TSNARE1: variants seen among roughly 807,000 people sequenced by gnomAD.
The protein encoded by TSNARE1 is t-SNARE domain containing 1.
TSNARE1 carries 49 observed loss-of-function variants against 62.0 expected under a neutral mutation model. That is an observed-to-expected ratio of 0.79 (90% CI 0.63 to 1.00). The LOEUF (loss-of-function observed/expected upper bound fraction) is 1.00, where lower values mean the gene tolerates loss of function less well. Ranked by LOEUF, TSNARE1 falls within the 50% of genes least tolerant of loss-of-function variation. The pLI is 0.00. For synonymous variants in TSNARE1, 328 were observed against 294.4 expected (o/e 1.11, Z -1.17); for missense variants, 755 against 700.1 (o/e 1.08, Z -0.88).
chr8:142,366,016 C>A, intron 1 of TSNARE1: 1 of 391,228 alleles, frequency 2.6e-6, no homozygotes, highest in East Asian at 8.2e-5. Context: ...TGTCCCAGGA[C>A]ACTGAAAATG....
In TSNARE1 at chr8:142,344,011, A is replaced by T; in HGVS notation, c.700T>A (p.Cys234Ser). 1 of 1,556,214 alleles carries T rather than the reference A, an allele frequency of 6.4e-7. No individual in the cohort carries two copies. Among genetic ancestry groups the T allele is most frequent in the Non-Finnish European group, 8.7e-7 (1 of 1,149,596 alleles). ...AAGCCCTCGGAGGGCAGGGCCTGGC[A>T]AGAGAAGGTCTTGGCCACCACCTGC... is the stretch of plus-strand genomic sequence containing the variant. ...VEQVVAKTFS[C>S]QALPSEGFSL... is the part of the protein sequence containing the mutation. The change falls in exon 4 of 14, where the codon TGC (cysteine) becomes AGC (serine). Residue 234 changes from cysteine (C) to serine (S), a missense_variant. Physicochemically the swap from Cys to Ser is moderately radical, Grantham distance 112. Coordinates refer to ENST00000524325, the MANE Select transcript of TSNARE1 (RefSeq NM_145003.5).
intron 6 of TSNARE1, 105 bp downstream of exon 6, chr8:142,330,796 A>T: frequency 8.7e-7 from 1 of 1,146,674 alleles, no homozygotes; most frequent in Non-Finnish European, 1.3e-6. Flanking sequence ...GTGCGCAAGC[A>T]GCTGTGTGGA....
intron 4 of TSNARE1, among the ~76,000 whole-genome samples, chr8:142,333,810 G>A (rs1236953330): frequency 6.6e-6 from 1 of 152,226 alleles, no homozygotes; most frequent in Non-Finnish European, 1.5e-5. Context: ...CCGCACTCAT[G>A]GCAAGGCCTG....
At chr8:142,352,532 T>C (rs2130699543) in intron 2 of TSNARE1, among the ~76,000 whole-genome samples, 1 of 152,340 alleles carries the variant, frequency 6.6e-6, no homozygotes, top group South Asian at 2.1e-4. Flanking sequence ...GAGCCAGCCT[T>C]AGCATCCCTG....
chr8:142,380,551 C>A (rs895805102), intron 1 of TSNARE1, among the ~76,000 whole-genome samples: 1 of 151,746 alleles, frequency 6.6e-6, no homozygotes, highest in Non-Finnish European at 1.5e-5. Flanking sequence ...GGCCACCCCA[C>A]TTCTCACAGC....
At chr8:142,277,400 G>A in intron 11 of TSNARE1, 2 of 985,370 alleles carry the variant, frequency 2.0e-6, no homozygotes, top group Non-Finnish European at 2.4e-6. Context: ...AGACCCCCCT[G>A]CACTGGGTCA....
rs1033210621 is a variant in TSNARE1, at chr8:142,328,436, A to C, written c.893+2465T>G. On this transcript the variant is annotated intron_variant, in intron 6 of 13. Coordinates refer to ENST00000524325, the MANE Select transcript of TSNARE1 (RefSeq NM_145003.5). ...TCTCCATTACCTTTACCTGTTCAGG[A>C]AAGTTTTAAGTTGTTAGCCAATCAG... Among the ~76,000 whole-genome samples the C allele has an allele frequency of 2.4e-4, 37 of 152,182 alleles. 1 individual carries two copies. Among genetic ancestry groups the C allele is most frequent in the Non-Finnish European group, 5.9e-5 (4 of 68,052 alleles).
intron 1 of TSNARE1, among the ~76,000 whole-genome samples, chr8:142,390,342 C>A (rs878994835): frequency 3.7e-5 from 5 of 136,064 alleles, no homozygotes; most frequent in Admixed American, 7.3e-5. Context: ...CCGTAACAGA[C>A]GCTGTACACT....
intron 9 of TSNARE1, among the ~76,000 whole-genome samples, chr8:142,305,742 G>A (rs998540043): frequency 6.6e-6 from 1 of 152,342 alleles, no homozygotes; most frequent in African/African-American, 2.4e-5. Flanking sequence ...GCAAGGTGCT[G>A]GGGCAAGCGC....
chr8:142,375,440 A>G (rs546196410), intron 1 of TSNARE1, among the ~76,000 whole-genome samples: 1 of 152,328 alleles, frequency 6.6e-6, no homozygotes, highest in South Asian at 2.1e-4. Context: ...CTGGGCTGGC[A>G]GAGGATGGCG....
At chr8:142,277,544 C>T (rs1259796752) in intron 11 of TSNARE1, 2 of 985,366 alleles carry the variant, frequency 2.0e-6, no homozygotes, top group African/African-American at 3.5e-5. Flanking sequence ...GATGCCCCCA[C>T]CCTGTCCTCA....
At chr8:142,233,470 C>T (rs1025055057) in intron 12 of TSNARE1, among the ~76,000 whole-genome samples, 4 of 152,198 alleles carry the variant, frequency 2.6e-5, no homozygotes, top group Admixed American at 2.6e-4. Flanking sequence ...GGAAAGGAGG[C>T]TGGGGGATGC....
At chr8:142,401,990 G>A (rs9324585) in intron 1 of TSNARE1, among the ~76,000 whole-genome samples, 127,419 of 152,016 alleles carry the variant, frequency 0.84, 53,457 homozygotes, top group Middle Eastern at 0.85. Context: ...TGTCTCACAG[G>A]CACTAAAGAT....
At chr8:142,230,239 G>C (rs998396771) in intron 12 of TSNARE1, among the ~76,000 whole-genome samples, 2 of 152,190 alleles carry the variant, frequency 1.3e-5, no homozygotes, top group African/African-American at 4.8e-5. Context: ...GCAGACCAGG[G>C]GGTGAGAGGC....
At chr8:142,339,076 AAAGAGG>A (rs1165593550) in intron 4 of TSNARE1, among the ~76,000 whole-genome samples, 5 of 152,044 alleles carry the variant, frequency 3.3e-5, no homozygotes, top group South Asian at 2.1e-4. Flanking sequence ...AGACGTGAGG[AAAGAGG>A]TAGTAGGGAC....
chr8:142,361,275 G>C (rs1835136184), intron 1 of TSNARE1, among the ~76,000 whole-genome samples: 1 of 152,252 alleles, frequency 6.6e-6, no homozygotes, highest in African/African-American at 2.4e-5. Flanking sequence ...CGGGAAAGCG[G>C]CATCGTGCTT....
intron 12 of TSNARE1, among the ~76,000 whole-genome samples, chr8:142,258,166 ATGCACACACAGATGCCTGTG>A (rs755122126): frequency 3.9e-5 from 6 of 152,360 alleles, no homozygotes; most frequent in East Asian, 3.9e-4. Context: ...CACACGCTGT[ATGCACACACAGATGCCTGTG>A]TGCACACACA....
At chr8:142,396,391 C>G (rs1055495425) in intron 1 of TSNARE1, among the ~76,000 whole-genome samples, 1 of 152,130 alleles carries the variant, frequency 6.6e-6, no homozygotes, top group South Asian at 2.1e-4. Flanking sequence ...GAATCTTGAG[C>G]TCCGCCCACC....
At chr8:142,307,866 C>T (rs546356498) in intron 9 of TSNARE1, among the ~76,000 whole-genome samples, 21 of 152,340 alleles carry the variant, frequency 1.4e-4, no homozygotes, top group African/African-American at 3.6e-4. Context: ...ACCGCCTGCA[C>T]GCAGCCCACG....
Sources: gnomAD v4.1 joint callset for allele counts (sites outside exome capture counted in the v4.1 genomes callset) on GRCh38, gnomAD v4.1.1 for gene constraint, MANE v1.5 for transcripts, NCBI Gene and HGNC (gene_info 2026-07-23, HGNC 2026-07-21) for gene names.